Variants in IMMP2L observed in about 807,000 individuals in gnomAD.
IMMP2L encodes mitochondrial inner membrane protease subunit 2.
IMMP2L carries 18 observed loss-of-function variants against 19.3 expected under a neutral mutation model. The observed-to-expected ratio is 0.93, with a 90% CI of 0.64 to 1.38. The LOEUF is 1.38. Among genes scored for constraint, IMMP2L ranks in the 40% most tolerant of loss-of-function variants. The pLI is 0.00. For missense variants in IMMP2L, 233 were observed against 218.2 expected, an observed-to-expected ratio of 1.07 and a Z score of -0.43; for synonymous variants, 76 against 73.0, an observed-to-expected ratio of 1.04 and a Z score of -0.21.
chr7:110,663,751 AT>A, intron 5 of IMMP2L, 30 bp from the exon 6 acceptor site: 1 of 1,470,390 alleles, frequency 6.8e-7, no homozygotes, highest in Non-Finnish European at 9.2e-7. Context: ...AAAGAAAGCA[AT>A]AAAGAGATCA....
At chr7:111,455,608 AG>A (rs1377971105) in intron 3 of IMMP2L, among the ~76,000 whole-genome samples, 16 of 145,652 alleles carry the variant, frequency 1.1e-4, no homozygotes, top group African/African-American at 4.1e-4. Flanking sequence ...ATATATCCCT[AG>A]AAGCAAAAAG....
chr7:110,824,582 G>A (rs1664970749), intron 5 of IMMP2L, among the ~76,000 whole-genome samples: 1 of 152,012 alleles, frequency 6.6e-6, no homozygotes, highest in Admixed American at 6.6e-5. Context: ...TGCCCAGGCT[G>A]GGCTCAAACT....
chr7:110,865,596 T>C (rs1807903174), intron 5 of IMMP2L, among the ~76,000 whole-genome samples: 1 of 151,954 alleles, frequency 6.6e-6, no homozygotes, highest in Non-Finnish European at 1.5e-5. Context: ...AAAACAAAAC[T>C]TTGCATATCA....
chr7:110,939,430 C>T (rs1409806385), intron 4 of IMMP2L, among the ~76,000 whole-genome samples: 5 of 146,138 alleles, frequency 3.4e-5, no homozygotes, highest in South Asian at 2.1e-4. Context: ...AATTGTAAAG[C>T]GAGTACACAG....
rs1389564569 is a variant in IMMP2L, at chr7:110,803,814, A to T, written c.408+82779T>A. Among the ~76,000 whole-genome samples the T allele has an allele frequency of 6.6e-6, 1 of 152,042 alleles. No homozygotes were observed. Among genetic ancestry groups the T allele is most frequent in the Non-Finnish European group, 1.5e-5 (1 of 67,982 alleles). On this transcript the variant is annotated intron_variant, in intron 5 of 5. Transcript: ENST00000405709. The surrounding 1 kb of genome is among the most constrained non-coding windows in gnomAD (Gnocchi z 4.2). ...AGTAGTTTTCAAAGTATGGTCCTGGAACCATCAGTATCTCAACACTTGGGG... is the reference window on the plus strand; with the variant it reads ...AGTAGTTTTCAAAGTATGGTCCTGGTACCATCAGTATCTCAACACTTGGGG...
chr7:111,483,788 G>C (rs1263979604), intron 3 of IMMP2L: 1 of 152,136 alleles, frequency 6.6e-6, no homozygotes, highest in Non-Finnish European at 1.5e-5. Context: ...GTGTAATGCA[G>C]AAGTTACATT....
intron 3 of IMMP2L, among the ~76,000 whole-genome samples, chr7:111,148,661 A>G (rs1253125102): frequency 6.6e-6 from 1 of 151,978 alleles, no homozygotes; most frequent in African/African-American, 2.4e-5. Flanking sequence ...AGGACACTTC[A>G]CAGATTTATT....
At chr7:111,136,861 T>C (rs75102385) in intron 3 of IMMP2L, among the ~76,000 whole-genome samples, 23 of 152,264 alleles carry the variant, frequency 1.5e-4, no homozygotes, top group Non-Finnish European at 2.8e-4. Context: ...AGCAACCATA[T>C]TTTATATTAT....
At chr7:111,530,843 A>G (rs1293411260) in intron 1 of IMMP2L, among the ~76,000 whole-genome samples, 1 of 152,206 alleles carries the variant, frequency 6.6e-6, no homozygotes, top group Non-Finnish European at 1.5e-5. Flanking sequence ...CTCAGATAAA[A>G]GAAAAATATA....
At chr7:111,193,806 A>G (rs929972572) in intron 3 of IMMP2L, among the ~76,000 whole-genome samples, 1 of 152,160 alleles carries the variant, frequency 6.6e-6, no homozygotes, top group Non-Finnish European at 1.5e-5. Context: ...TATAATTTAT[A>G]TTCCTTTAAT....
intron 5 of IMMP2L, among the ~76,000 whole-genome samples, chr7:110,884,511 T>C (rs1318217288): frequency 6.6e-6 from 1 of 152,052 alleles, no homozygotes. Context: ...GGCAAATCCA[T>C]ATCATGGGAC....
intron 3 of IMMP2L, among the ~76,000 whole-genome samples, chr7:111,263,530 G>A (rs1352615390): frequency 1.3e-5 from 2 of 152,024 alleles, no homozygotes; most frequent in Non-Finnish European, 2.9e-5. Flanking sequence ...AGTAAATATC[G>A]AAATGCTGAT....
intron 1 of IMMP2L, among the ~76,000 whole-genome samples, chr7:111,560,396 T>C (rs1033716939): frequency 6.6e-6 from 1 of 152,196 alleles, no homozygotes; most frequent in African/African-American, 2.4e-5. Context: ...ACACTCTCCA[T>C]GATTCCTAAT....
At chr7:110,972,142 G>T (rs1240565896) in intron 3 of IMMP2L, among the ~76,000 whole-genome samples, 12 of 151,214 alleles carry the variant, frequency 7.9e-5, no homozygotes, top group Admixed American at 7.9e-4. Flanking sequence ...TTGTAGACTG[G>T]AATAGTATTA....
chr7:110,718,065 T>C (rs1027705555), intron 5 of IMMP2L, among the ~76,000 whole-genome samples: 7 of 152,136 alleles, frequency 4.6e-5, no homozygotes, highest in African/African-American at 1.7e-4. Context: ...AATGGAGGAA[T>C]TAGTTTAGGA....
intron 3 of IMMP2L, among the ~76,000 whole-genome samples, chr7:111,160,534 T>C (rs1313392546): frequency 1.3e-5 from 2 of 151,940 alleles, no homozygotes; most frequent in Non-Finnish European, 2.9e-5. Context: ...CAACTGGCTC[T>C]TTACTCTTTA....
In IMMP2L at chr7:111,552,191, T is replaced by TTGGA. The variant is rs1283720363; in HGVS notation, c.-3+9656_-3+9659dup. ...TAAGGTAAAGCAAGCAGGAAAGGAT[T>TTGGA]TGGAGCAAGGTGTGTCATAATGCTA... On this transcript the variant is annotated intron_variant, in intron 1 of 5. Coordinates refer to ENST00000405709, the MANE Select transcript of IMMP2L (RefSeq NM_032549.4). Among the ~76,000 whole-genome samples, 3 of 152,088 alleles carry TTGGA rather than the reference T, an allele frequency of 2.0e-5. No homozygotes were observed. The East Asian group carries it at 5.8e-4, about 29-fold the overall frequency.
At chr7:111,382,346 C>T (rs1376235913) in intron 3 of IMMP2L, among the ~76,000 whole-genome samples, 1 of 151,054 alleles carries the variant, frequency 6.6e-6, no homozygotes, top group East Asian at 1.9e-4. Context: ...AAAGTATACA[C>T]AATGCCAGAA....
chr7:111,123,799 A>G lies in IMMP2L; in HGVS notation c.240-160234T>C. ...CAAGCTGGAATCACTCATGCTGAAC[A>G]GCAATGCTCTCAGTGCCCTGTACCA... On this transcript the variant is annotated intron_variant, in intron 3 of 5. Transcript: ENST00000405709. This position sits in a 1 kb window ranked among gnomAD's most constrained non-coding sequence, Gnocchi z 6.4. The G allele has an allele frequency of 6.2e-7, 1 of 1,614,052 alleles. No homozygotes were observed. The highest frequency in any genetic ancestry group is 1.7e-5 in the Admixed American group (1 of 59,968).
Sources: allele counts gnomAD v4.1 joint callset (sites outside exome capture counted in the v4.1 genomes callset), GRCh38; gene constraint gnomAD v4.1.1; non-coding constraint Gnocchi (gnomAD v3.1); transcripts MANE v1.5; gene names NCBI Gene and HGNC (gene_info 2026-07-23, HGNC 2026-07-21).